The following CNTN5 variants were observed in gnomAD, a reference collection of about 807,000 sequenced individuals.
CNTN5 encodes the protein contactin-5.
CNTN5 carries 77 observed loss-of-function variants against 129.1 expected under a neutral mutation model. The observed-to-expected ratio is 0.60, with a 90% confidence interval of 0.50 to 0.72. The LOEUF is 0.72. Ranked by LOEUF, CNTN5 falls within the 30% of genes least tolerant of loss-of-function variation. CNTN5 has a pLI of 0.00. For synonymous variants in CNTN5, 509 were observed against 465.6 expected, an observed-to-expected ratio of 1.09 and a Z score of -1.20; for missense variants, 1,478 against 1,328.8, an observed-to-expected ratio of 1.11 and a Z score of -1.75.
At chr11:99,143,505 A>C (rs1303390019) in intron 1 of CNTN5, among the ~76,000 whole-genome samples, 1 of 145,312 alleles carries the variant, frequency 6.9e-6, no homozygotes. Context: ...TGTATATGAC[A>C]ATGGGATCCT....
intron 2 of CNTN5, among the ~76,000 whole-genome samples, chr11:99,487,178 T>A (rs1945851052): frequency 6.6e-6 from 1 of 152,186 alleles, no homozygotes; most frequent in Non-Finnish European, 1.5e-5. Flanking sequence ...GAGAACTGAG[T>A]GTTACCATCA....
At chr11:99,571,829 A>T (rs1787857682) in intron 3 of CNTN5, among the ~76,000 whole-genome samples, 1 of 152,174 alleles carries the variant, frequency 6.6e-6, no homozygotes, top group Non-Finnish European at 1.5e-5. Context: ...TTTCTTCTTT[A>T]CTTAGGACAT....
At chr11:99,789,134 A>G (rs989743921) in intron 3 of CNTN5, among the ~76,000 whole-genome samples, 6 of 151,986 alleles carry the variant, frequency 3.9e-5, no homozygotes, top group African/African-American at 9.7e-5. Flanking sequence ...GTAGTTGCAT[A>G]TCAAACTGAT....
At chr11:99,806,087 T>A (rs922389346) in intron 3 of CNTN5, among the ~76,000 whole-genome samples, 5 of 152,218 alleles carry the variant, frequency 3.3e-5, no homozygotes, top group African/African-American at 1.2e-4. Flanking sequence ...ACGTCTCTTC[T>A]CAGAGAGTAC....
At chr11:99,502,185 GT>G in intron 2 of CNTN5, among the ~76,000 whole-genome samples, 1 of 152,340 alleles carries the variant, frequency 6.6e-6, no homozygotes, top group Admixed American at 6.5e-5. Flanking sequence ...TTTATCAACA[GT>G]CTGTATTGTA....
chr11:99,189,566 A>G (rs1428509038), intron 1 of CNTN5, among the ~76,000 whole-genome samples: 1 of 151,518 alleles, frequency 6.6e-6, no homozygotes, highest in Non-Finnish European at 1.5e-5. Flanking sequence ...CTTCTTTTTA[A>G]TAATTGCCAT....
At chr11:99,790,783 C>A (rs1327680627) in intron 3 of CNTN5, among the ~76,000 whole-genome samples, 4 of 152,076 alleles carry the variant, frequency 2.6e-5, no homozygotes, top group Non-Finnish European at 5.9e-5. Flanking sequence ...GTTACATTCC[C>A]ACTAGCAACA....
chr11:100,278,277 T>C (rs1344803548), intron 18 of CNTN5, among the ~76,000 whole-genome samples: 1 of 152,100 alleles, frequency 6.6e-6, no homozygotes, highest in Non-Finnish European at 1.5e-5. Context: ...TTGCTTAGGA[T>C]AGTTTTGGCT....
chr11:99,503,681 C>G (rs1472835945), intron 2 of CNTN5, among the ~76,000 whole-genome samples: 1 of 152,124 alleles, frequency 6.6e-6, no homozygotes, highest in Non-Finnish European at 1.5e-5. Context: ...TCTAATAATA[C>G]TGTTCCAGGC....
intron 3 of CNTN5, among the ~76,000 whole-genome samples, chr11:99,705,647 T>C (rs1050052115): frequency 9.2e-5 from 14 of 151,480 alleles, no homozygotes; most frequent in Non-Finnish European, 4.4e-5. Context: ...TGCAGTTGTT[T>C]ATAAAACCAT....
At chr11:99,203,594 TG>T (rs1246553217) in intron 1 of CNTN5, among the ~76,000 whole-genome samples, 3 of 151,002 alleles carry the variant, frequency 2.0e-5, no homozygotes, top group South Asian at 4.2e-4. Context: ...TTTTTTTGGG[TG>T]GGGGGTGGTG....
intron 1 of CNTN5, among the ~76,000 whole-genome samples, chr11:99,259,852 C>A (rs1253301066): frequency 6.6e-6 from 1 of 151,714 alleles, no homozygotes. Flanking sequence ...AACAATATCT[C>A]GTTATTTGAA....
intron 1 of CNTN5, among the ~76,000 whole-genome samples, chr11:99,301,983 G>A (rs528525697): frequency 6.6e-6 from 1 of 151,554 alleles, no homozygotes; most frequent in East Asian, 1.9e-4. Context: ...AAACCCGTGG[G>A]CCAAAGACAA....
chr11:99,074,129 T>G (rs1301155616), intron 1 of CNTN5, among the ~76,000 whole-genome samples: 1 of 152,224 alleles, frequency 6.6e-6, no homozygotes, highest in Non-Finnish European at 1.5e-5. Flanking sequence ...TAATGACCAG[T>G]GATATCGAGC....
At chr11:99,267,572 C>G (rs545938223) in intron 1 of CNTN5, among the ~76,000 whole-genome samples, 1 of 152,018 alleles carries the variant, frequency 6.6e-6, no homozygotes, top group East Asian at 1.9e-4. Context: ...GATACTTGGT[C>G]AAGGCAATAT....
At chr11:99,694,653 A>G (rs1954187267) in intron 3 of CNTN5, among the ~76,000 whole-genome samples, 1 of 152,034 alleles carries the variant, frequency 6.6e-6, no homozygotes, top group African/African-American at 2.4e-5. Flanking sequence ...ATTTCTCCTA[A>G]TGCTATCCCT....
chr11:99,560,244 C>G (rs1367044686), intron 3 of CNTN5, among the ~76,000 whole-genome samples: 1 of 149,880 alleles, frequency 6.7e-6, no homozygotes, highest in Non-Finnish European at 1.5e-5. Context: ...GGACAAAAAG[C>G]AGAATATGAC....
chr11:99,224,171 T>C (rs1480990118), intron 1 of CNTN5, among the ~76,000 whole-genome samples: 1 of 152,060 alleles, frequency 6.6e-6, no homozygotes. Context: ...TTACATTTTA[T>C]TCCATAATTT....
At chr11:99,552,080 G>A (rs955205615) in intron 2 of CNTN5, among the ~76,000 whole-genome samples, 1 of 151,746 alleles carries the variant, frequency 6.6e-6, no homozygotes, top group East Asian at 1.9e-4. Context: ...GCTAATTTCT[G>A]TATTCTTAGT....
Sources: gnomAD v4.1 joint callset for allele counts (sites outside exome capture counted in the v4.1 genomes callset) on GRCh38, gnomAD v4.1.1 for gene constraint, MANE v1.5 for transcripts, NCBI Gene and HGNC (gene_info 2026-07-23, HGNC 2026-07-21) for gene names.